The following CCP110 variants were observed in gnomAD, a reference collection of about 807,000 sequenced individuals.
CCP110 encodes centriolar coiled-coil protein of 110 kDa.
CCP110 carries 43 observed loss-of-function variants against 105.5 expected under a neutral mutation model. The ratio of observed to expected loss-of-function variants is 0.41; its 90% CI spans 0.32 to 0.53. CCP110 has a LOEUF of 0.53. Ranked by LOEUF, CCP110 falls within the 20% of genes least tolerant of loss-of-function variation. The probability of loss-of-function intolerance (pLI) is 0.32; values close to 1 mark genes in which losing one functional copy is unlikely to be tolerated. For synonymous variants in CCP110, 353 were observed against 392.1 expected (o/e 0.90, Z 1.18); for missense variants, 1,016 against 1,189.1 (o/e 0.85, Z 2.14).
chr16:19,536,883 A>G (rs945663612), exon 4 of CCP110: 3 of 1,614,074 alleles, frequency 1.9e-6, no homozygotes, highest in Non-Finnish European at 2.5e-6. Context: ...AAAGGAAAAG[A>G]ACAGGCAATG....
intron 4 of CCP110, among the ~76,000 whole-genome samples, chr16:19,539,511 C>A (rs1310464226): frequency 6.6e-6 from 1 of 151,490 alleles, no homozygotes; most frequent in Non-Finnish European, 1.5e-5. Flanking sequence ...GCATGCGCCA[C>A]CACGCCCAGC....
At chr16:19,536,284 C>T (rs543227782) in exon 4 of CCP110, 2 of 1,613,544 alleles carry the variant, frequency 1.2e-6, no homozygotes, top group East Asian at 4.5e-5. Flanking sequence ...ATGGTCCCTT[C>T]TCAGTAAATG....
intron 2 of CCP110, among the ~76,000 whole-genome samples, chr16:19,532,039 C>T (rs768393135): frequency 6.6e-6 from 1 of 151,584 alleles, no homozygotes; most frequent in African/African-American, 2.4e-5. Context: ...ATAAAAAACT[C>T]AGCAGTGGCC....
intron 8 of CCP110, among the ~76,000 whole-genome samples, chr16:19,544,033 A>G (rs189436135): frequency 2.6e-5 from 4 of 151,748 alleles, no homozygotes; most frequent in Admixed American, 2.6e-4. Context: ...CTGTTCTTGC[A>G]CCCCCTCCCC....
At chr16:19,549,281 C>T (rs1970558134) in intron 14 of CCP110, among the ~76,000 whole-genome samples, 3 of 152,144 alleles carry the variant, frequency 2.0e-5, no homozygotes, top group African/African-American at 7.2e-5. Flanking sequence ...AAATACTTTC[C>T]AAATGTTGTG....
At chr16:19,528,124 C>T in intron 2 of CCP110, 102 bp downstream of exon 2, 2 of 930,180 alleles carry the variant, frequency 2.2e-6, no homozygotes, top group Non-Finnish European at 3.1e-6. Context: ...AAGAGATGCC[C>T]TCATTCAGAA....
exon 15 of CCP110, chr16:19,551,361 A>C (rs1970635855): frequency 2.5e-5 from 22 of 873,836 alleles, no homozygotes; most frequent in Non-Finnish European, 2.0e-6. Flanking sequence ...AAGTGACATC[A>C]GAAGGCTGAG....
intron 14 of CCP110, among the ~76,000 whole-genome samples, chr16:19,550,376 C>T (rs1289824953): frequency 2.0e-5 from 3 of 152,270 alleles, no homozygotes; most frequent in East Asian, 1.9e-4. Flanking sequence ...TAGTCTCGAA[C>T]GCCTGACCTC....
intron 8 of CCP110, among the ~76,000 whole-genome samples, chr16:19,544,439 A>G (rs1011775208): frequency 1.3e-5 from 2 of 152,210 alleles, no homozygotes; most frequent in Non-Finnish European, 2.9e-5. Flanking sequence ...TAATTCAGAA[A>G]AAACAAATGA....
chr16:19,537,473 T>C, exon 4 of CCP110: 2 of 1,612,464 alleles, frequency 1.2e-6, no homozygotes, highest in South Asian at 2.2e-5. Context: ...AAACTGCCCT[T>C]ATGTCATAAC....
intron 1 of CCP110, among the ~76,000 whole-genome samples, chr16:19,527,616 C>G (rs1310770238): frequency 6.6e-6 from 1 of 152,044 alleles, no homozygotes; most frequent in Admixed American, 6.5e-5. Context: ...CTAAATTAAT[C>G]CCATTTAAAG....
At chr16:19,538,302 CTTTTTTTTTTTTTT>C (rs1164690143) in intron 4 of CCP110, among the ~76,000 whole-genome samples, 13 of 55,246 alleles carry the variant, frequency 2.4e-4, no homozygotes, top group African/African-American at 7.2e-4. Flanking sequence ...GGAAACAGTT[CTTTTTTTTTTTTTT>C]TTTTTTTTTT....
At chr16:19,541,650 GA>G (rs1970285787) in intron 5 of CCP110, among the ~76,000 whole-genome samples, 1 of 1,180 alleles carries the variant, frequency 8.5e-4, no homozygotes, top group Non-Finnish European at 2.4e-3. Flanking sequence ...AGAGAGAGAG[GA>G]GAGAGAGAGA....
intron 4 of CCP110, among the ~76,000 whole-genome samples, chr16:19,538,716 CATTTGTAGT>C (rs927739231): frequency 9.2e-5 from 14 of 152,098 alleles, no homozygotes; most frequent in Admixed American, 6.5e-4. Flanking sequence ...TTTGCTTTTT[CATTTGTAGT>C]ATGAGCTTCG....
In CCP110 at chr16:19,536,652, G is replaced by C. The variant is rs768073766; in HGVS notation, c.983G>C (p.Arg328Pro). ...TTTTCGAAAGTGGACATACCTATAC[G>C]AACTGGCCATCCCACTGTTCTAGAG... Residue 328 changes from arginine (R) to proline (P), a missense_variant, in exon 4 of 15, where the codon CGA (arginine) becomes CCA (proline). Coordinates refer to ENST00000381396, the Ensembl canonical transcript of CCP110. 2.5e-6 allele frequency: 4 copies of C among 1,613,952 alleles called. No homozygotes were observed. In the African/African-American group the frequency reaches 5.3e-5, roughly 22 times the overall value.
intron 6 of CCP110, 111 bp downstream of exon 6, chr16:19,542,175 C>A: frequency 1.4e-6 from 1 of 712,242 alleles, no homozygotes; most frequent in Non-Finnish European, 2.2e-6. Flanking sequence ...CATGTCCAAC[C>A]CTCTTTGCCA....
chr16:19,528,044 A>G (rs886862758), intron 2 of CCP110, 22 bp downstream of exon 2: 1 of 1,593,962 alleles, frequency 6.3e-7, no homozygotes, highest in Non-Finnish European at 8.5e-7. Flanking sequence ...TTGTTTTTAA[A>G]TAGTTTTTTT....
At chr16:19,546,357 C>A in intron 11 of CCP110, 55 bp from the exon 12 acceptor site, 2 of 993,016 alleles carry the variant, frequency 2.0e-6, no homozygotes, top group Non-Finnish European at 1.6e-6. Context: ...CATTTGTAAG[C>A]ATGTTTTCTT....
At chr16:19,526,839 G>C (rs1969690464) in intron 1 of CCP110, 1 of 152,040 alleles carries the variant, frequency 6.6e-6, no homozygotes, top group Non-Finnish European at 1.5e-5. Context: ...TTTTTGTTAA[G>C]AAGCTAATTA....
Sources: gnomAD v4.1 joint callset for allele counts (sites outside exome capture counted in the v4.1 genomes callset) on GRCh38, gnomAD v4.1.1 for gene constraint, MANE v1.5 for transcripts, NCBI Gene and HGNC (gene_info 2026-07-23, HGNC 2026-07-21) for gene names.